ANK3: variants seen among roughly 807,000 people sequenced by gnomAD.
ANK3 encodes the protein ankyrin 3, also known as ankyrin-3.
A neutral mutation model predicts 370.9 loss-of-function variants in ANK3; 57 were observed. The ratio of observed to expected loss-of-function variants is 0.15; its 90% CI spans 0.12 to 0.19. ANK3 has a LOEUF of 0.19. Ranked by LOEUF, ANK3 falls within the 10% of genes least tolerant of loss-of-function variation. ANK3 has a pLI of 1.00. For synonymous variants in ANK3, 1,929 were observed against 1,946.3 expected, an observed-to-expected ratio of 0.99 and a Z score of 0.23; for missense variants, 4,439 against 5,302.1, an observed-to-expected ratio of 0.84 and a Z score of 5.06.
intron 1 of ANK3, among the ~76,000 whole-genome samples, chr10:60,318,572 G>A (rs148648514): frequency 0.011 from 1,702 of 152,224 alleles, 37 homozygotes; most frequent in African/African-American, 0.039. Flanking sequence ...TAGCCTCAAT[G>A]TCACAGGATT....
chr10:60,413,561 C>T (rs12266711), intron 2 of ANK3, among the ~76,000 whole-genome samples: 6,560 of 152,132 alleles, frequency 0.043, 477 homozygotes, highest in African/African-American at 0.15. Context: ...ATCACATTAA[C>T]CTTTGGGAAA....
At position 60,083,583 on chromosome 10, in the gene ANK3, T is replaced by C. The variant is rs1049382779; in HGVS notation, c.4109A>G (p.Tyr1370Cys). The C allele has an allele frequency of 3.1e-6, 5 of 1,610,374 alleles. No individual in the cohort carries two copies. The South Asian group carries it at 4.4e-5, about 14-fold the overall frequency. Residue 1370 changes from tyrosine to cysteine, a missense_variant, in exon 33 of 44, where the codon TAT (tyrosine) becomes TGT (cysteine). Coordinates refer to ENST00000280772, the MANE Select transcript of ANK3 (RefSeq NM_020987.5). ...TTTGGTAAGTGGGGCCAAATTTCCATAACAATCAACATAAATAGGTTTTCC... is the reference window on the plus strand; with the variant it reads ...TTTGGTAAGTGGGGCCAAATTTCCACAACAATCAACATAAATAGGTTTTCC... ...LEGKPIYVDC[Y>C]GNLAPLTKGG...
intron 17 of ANK3, 95 bp downstream of exon 17, chr10:60,186,620 C>T (rs763340128): frequency 2.3e-6 from 3 of 1,286,004 alleles, no homozygotes; most frequent in African/African-American, 2.9e-5. Flanking sequence ...TTTACACATC[C>T]TATTTGACTC....
chr10:60,244,182 G>A (rs990437573), intron 7 of ANK3, among the ~76,000 whole-genome samples: 1 of 152,122 alleles, frequency 6.6e-6, no homozygotes, highest in Non-Finnish European at 1.5e-5. Context: ...ACTGCCCAAA[G>A]TGAAATCAGG....
intron 2 of ANK3, among the ~76,000 whole-genome samples, chr10:60,530,223 G>A (rs773592175): frequency 6.6e-5 from 10 of 152,140 alleles, no homozygotes; most frequent in African/African-American, 2.4e-4. Context: ...GTCAGTCCAT[G>A]AAAGGAAGCT....
chr10:60,694,007 T>A (rs2079401622), intron 1 of ANK3, among the ~76,000 whole-genome samples: 1 of 151,586 alleles, frequency 6.6e-6, no homozygotes, highest in Non-Finnish European at 1.5e-5. Flanking sequence ...TTGAAAAAAA[T>A]TTAGAAGAAT....
At chr10:60,619,506 G>A (rs561023880) in intron 1 of ANK3, among the ~76,000 whole-genome samples, 83 of 152,112 alleles carry the variant, frequency 5.5e-4, no homozygotes, top group African/African-American at 1.9e-3. Flanking sequence ...CTTTTCATAG[G>A]CCAGGCCATA....
At chr10:60,452,247 T>C (rs2064625881) in intron 2 of ANK3, among the ~76,000 whole-genome samples, 1 of 152,232 alleles carries the variant, frequency 6.6e-6, no homozygotes, top group African/African-American at 2.4e-5. Context: ...AAGGAACTGT[T>C]TCTTGGCTAT....
chr10:60,386,408 C>T (rs1222812231), intron 1 of ANK3, among the ~76,000 whole-genome samples: 1 of 151,610 alleles, frequency 6.6e-6, no homozygotes, highest in Non-Finnish European at 1.5e-5. Flanking sequence ...AAGTTTCATC[C>T]ACCTAGACGC....
chr10:60,293,469 A>G (rs2041888363), intron 1 of ANK3, among the ~76,000 whole-genome samples: 1 of 152,210 alleles, frequency 6.6e-6, no homozygotes, highest in African/African-American at 2.4e-5. Flanking sequence ...TTTTGGGGTA[A>G]GCAGTGGTCA....
At chr10:60,059,932 C>T (rs1250384867) in intron 40 of ANK3, 6 of 1,614,038 alleles carry the variant, frequency 3.7e-6, no homozygotes, top group Non-Finnish European at 5.1e-6. Flanking sequence ...AAATAATCAT[C>T]TTGCTGGAAA....
At chr10:60,210,739 C>A (rs929627311) in intron 9 of ANK3, among the ~76,000 whole-genome samples, 1 of 152,082 alleles carries the variant, frequency 6.6e-6, no homozygotes, top group African/African-American at 2.4e-5. Flanking sequence ...AATAAAAAAC[C>A]AGATGAGGGT....
intron 18 of ANK3, 123 bp from the exon 19 acceptor site, chr10:60,173,309 C>A: frequency 1.4e-6 from 1 of 727,828 alleles, no homozygotes; most frequent in Non-Finnish European, 2.2e-6. Context: ...AGGTTTTTTT[C>A]TTCTCTATAT....
At chr10:60,094,982 G>T (rs1462828600) in intron 28 of ANK3, among the ~76,000 whole-genome samples, 1 of 152,184 alleles carries the variant, frequency 6.6e-6, no homozygotes. Flanking sequence ...GGAAAATAGA[G>T]AACGAAATCC....
chr10:60,388,419 C>T (rs1031141452), intron 1 of ANK3, among the ~76,000 whole-genome samples: 2 of 152,140 alleles, frequency 1.3e-5, no homozygotes, highest in African/African-American at 2.4e-5. Flanking sequence ...AAAGCACATG[C>T]CTTACTGCTC....
At chr10:60,104,190 C>T (rs2091785045) in intron 28 of ANK3, among the ~76,000 whole-genome samples, 2 of 150,800 alleles carry the variant, frequency 1.3e-5, no homozygotes, top group Non-Finnish European at 3.0e-5. Context: ...TACAAGTTTA[C>T]CTATATAACA....
chr10:60,027,383 T>A lies in ANK3; in HGVS notation c.*2463A>T, dbSNP rs772355513. 1 of 151,856 alleles carries A rather than the reference T, an allele frequency of 6.6e-6. No individual in the cohort carries two copies. Among genetic ancestry groups the A allele is most frequent in the Non-Finnish European group, 1.5e-5 (1 of 67,966 alleles). 9.4% of individuals were successfully genotyped at this position (151,856 alleles called of 1,614,324 possible). A position where few individuals can be genotyped will look rare whatever the true frequency, so the allele number is the denominator to read the frequency against. ...GGTGCAAGGGTAGTGGCACATTTTATTTATTTGGGATACCATGCAGATGCA... is the reference window on the plus strand; with the variant it reads ...GGTGCAAGGGTAGTGGCACATTTTAATTATTTGGGATACCATGCAGATGCA... On this transcript the variant is annotated 3_prime_UTR_variant, in exon 44 of 44. Coordinates refer to ENST00000280772, the MANE Select transcript of ANK3 (RefSeq NM_020987.5).
At chr10:60,266,131 A>G (rs1050163562) in intron 5 of ANK3, among the ~76,000 whole-genome samples, 1 of 152,230 alleles carries the variant, frequency 6.6e-6, no homozygotes, top group Non-Finnish European at 1.5e-5. Context: ...CTTAAGAAAG[A>G]TAACAAACAG....
chr10:60,600,200 C>CT (rs1478161835), intron 2 of ANK3, among the ~76,000 whole-genome samples: 2 of 152,166 alleles, frequency 1.3e-5, no homozygotes, highest in Admixed American at 1.3e-4. Context: ...ATTTAGGATT[C>CT]TGTACTCATA....
Sources: allele counts gnomAD v4.1 joint callset (sites outside exome capture counted in the v4.1 genomes callset), GRCh38; gene constraint gnomAD v4.1.1; transcripts MANE v1.5; gene names NCBI Gene and HGNC (gene_info 2026-07-23, HGNC 2026-07-21).